Variants in SNRPN observed in about 807,000 individuals in gnomAD.
SNRPN encodes small nuclear ribonucleoprotein-associated protein N.
Under a neutral mutation model 25.2 loss-of-function variants are expected in SNRPN, and 7 were observed. The ratio of observed to expected loss-of-function variants is 0.28; its 90% confidence interval spans 0.16 to 0.52. SNRPN has a LOEUF of 0.52. Ranked by LOEUF, SNRPN falls within the 20% of genes least tolerant of loss-of-function variation. The pLI is 0.96. For synonymous variants in SNRPN, 124 were observed against 110.6 expected (o/e 1.12, Z -0.76); for missense variants, 196 against 322.5 (o/e 0.61, Z 3.00).
At chr15:24,940,585 T>G (rs1219137020) in intron 3 of SNRPN, among the ~76,000 whole-genome samples, 1 of 152,182 alleles carries the variant, frequency 6.6e-6, no homozygotes, top group Non-Finnish European at 1.5e-5. Context: ...TTAAAAAATA[T>G]TTTTAGTCTT....
intron 1 of SNRPN, among the ~76,000 whole-genome samples, chr15:24,863,155 T>A (rs557337709): frequency 2.7e-5 from 4 of 150,176 alleles, no homozygotes; most frequent in African/African-American, 5.0e-5. Flanking sequence ...CCAGGAGGGG[T>A]TGGTGTTGGG....
chr15:24,836,321 G>A (rs1359887633), intron 2 of SNRPN, among the ~76,000 whole-genome samples: 2 of 152,098 alleles, frequency 1.3e-5, no homozygotes, highest in African/African-American at 4.8e-5. Flanking sequence ...GGGCTCTGCA[G>A]GGGAGAAAAA....
intron 2 of SNRPN, chr15:24,850,405 G>T (rs1272853449): frequency 6.6e-6 from 1 of 152,120 alleles, no homozygotes; most frequent in Non-Finnish European, 1.5e-5. Context: ...CCCTGACCCA[G>T]GTTCAAGCAT....
intron 1 of SNRPN, among the ~76,000 whole-genome samples, chr15:24,879,098 A>G (rs919448518): frequency 6.6e-6 from 1 of 152,290 alleles, no homozygotes. Flanking sequence ...ACTTTCAGCT[A>G]GTACTTTTTA....
At chr15:24,927,418 G>A (rs2152758407) in intron 3 of SNRPN, among the ~76,000 whole-genome samples, 1 of 147,128 alleles carries the variant, frequency 6.8e-6, no homozygotes, top group South Asian at 2.2e-4. Context: ...CACCAAGCCT[G>A]GCCTCCTTTC....
At position 24,908,405 on chromosome 15, in the gene SNRPN, T is replaced by G. The variant is rs554676950; in HGVS notation, c.-504-11606T>G. 2.0e-5 allele frequency among the ~76,000 whole-genome samples: 3 copies of G among 152,264 alleles called. No homozygotes were observed. The East Asian group carries it at 5.8e-4, about 29-fold the overall frequency. ...TGCATTAAGGCGATTCTGACGAGGC[T>G]TCAGAAGATGAAAAGCCATAGAGAA... On this transcript the variant is annotated intron_variant, in intron 2 of 11. Coordinates refer to the SNRPN transcript ENST00000400097.
At chr15:24,902,895 C>T (rs1011375890) in intron 2 of SNRPN, among the ~76,000 whole-genome samples, 4 of 152,148 alleles carry the variant, frequency 2.6e-5, no homozygotes, top group African/African-American at 9.7e-5. Flanking sequence ...GGAAAGGGAC[C>T]CCAGTGGGTT....
At chr15:24,873,487 G>A (rs555194139) in intron 1 of SNRPN, among the ~76,000 whole-genome samples, 11 of 137,946 alleles carry the variant, frequency 8.0e-5, no homozygotes, top group East Asian at 2.3e-4. Context: ...TCGCTCTGTT[G>A]CCCAGGCTAG....
chr15:24,892,669 G>A (rs150355359), intron 2 of SNRPN, among the ~76,000 whole-genome samples: 4 of 151,142 alleles, frequency 2.6e-5, no homozygotes, highest in Admixed American at 6.6e-5. Flanking sequence ...CCTGGGAGGT[G>A]GAAGCTGCAG....
chr15:24,836,409 T>G (rs1475641358), intron 2 of SNRPN, among the ~76,000 whole-genome samples: 3 of 149,632 alleles, frequency 2.0e-5, no homozygotes, highest in Admixed American at 6.6e-5. Flanking sequence ...AAGAAAAGTA[T>G]GCAAATGCAT....
intron 3 of SNRPN, among the ~76,000 whole-genome samples, chr15:24,949,757 A>T (rs1431736805): frequency 2.0e-5 from 3 of 151,718 alleles, no homozygotes; most frequent in East Asian, 3.9e-4. Context: ...ATGAATCAAC[A>T]CTCCATTCCT....
intron 2 of SNRPN, among the ~76,000 whole-genome samples, chr15:24,915,966 G>T (rs1371763319): frequency 4.9e-5 from 6 of 122,512 alleles, no homozygotes; most frequent in African/African-American, 1.8e-4. Flanking sequence ...TGGCCAGGTT[G>T]ACTTTTTTTT....
chr15:24,924,627 C>T (rs1264981370), intron 3 of SNRPN, among the ~76,000 whole-genome samples: 1 of 151,852 alleles, frequency 6.6e-6, no homozygotes, highest in Non-Finnish European at 1.5e-5. Flanking sequence ...GGACCAGAGG[C>T]ATGCACCATC....
At chr15:24,874,557 A>G (rs1220083458) in intron 1 of SNRPN, among the ~76,000 whole-genome samples, 3 of 152,172 alleles carry the variant, frequency 2.0e-5, no homozygotes, top group Non-Finnish European at 2.9e-5. Flanking sequence ...ACAACGTTCA[A>G]GTACAGATGC....
chr15:24,827,633 T>C (rs1331035179), intron 1 of SNRPN, among the ~76,000 whole-genome samples: 2 of 150,330 alleles, frequency 1.3e-5, no homozygotes, highest in Non-Finnish European at 3.0e-5. Flanking sequence ...CTTTGGGAGG[T>C]TGAGGCAGGA....
intron 1 of SNRPN, among the ~76,000 whole-genome samples, chr15:24,885,060 C>A (rs1194139219): frequency 6.6e-6 from 1 of 152,106 alleles, no homozygotes; most frequent in Non-Finnish European, 1.5e-5. Context: ...GAGAGCATGA[C>A]AAAATTTACT....
At position 24,868,123 on chromosome 15, in the gene SNRPN, A is replaced by G. The variant is rs796106799; in HGVS notation, c.-579+11407A>G. ...TGCATGTATATGGGTGTGTGTGTGT[A>G]TATATATATATATACACACACACAT... On this transcript the variant is annotated intron_variant, in intron 1 of 11. Transcript: ENST00000400097. Among the ~76,000 whole-genome samples, 658 of 137,964 alleles carry G rather than the reference A, an allele frequency of 4.8e-3. 3 individuals are homozygous for G. The highest frequency in any genetic ancestry group is 0.016 in the African/African-American group (575 of 35,568). The allele number at this position is 137,964 out of a possible 152,430, so 90.5% of individuals were successfully genotyped here. A position where few individuals can be genotyped will look rare whatever the true frequency, so the allele number is the denominator to read the frequency against.
At chr15:24,909,872 G>A in intron 2 of SNRPN, 2 of 752,632 alleles carry the variant, frequency 2.7e-6, no homozygotes, top group South Asian at 1.5e-5. Context: ...AGACCAGCAG[G>A]CACAGCGGCG....
intron 2 of SNRPN, among the ~76,000 whole-genome samples, chr15:24,919,851 C>T (rs2059932385): frequency 6.6e-6 from 1 of 152,160 alleles, no homozygotes. Context: ...GAATCTTTGT[C>T]AGTGTACAGA....
Sources: gnomAD v4.1 joint callset for allele counts (sites outside exome capture counted in the v4.1 genomes callset) on GRCh38, gnomAD v4.1.1 for gene constraint, MANE v1.5 for transcripts, NCBI Gene and HGNC (gene_info 2026-07-23, HGNC 2026-07-21) for gene names.